LARS2: variants seen among roughly 807,000 people sequenced by gnomAD.
The protein encoded by LARS2 is leucyl-tRNA synthetase 2, mitochondrial, also known as leucine--tRNA ligase, mitochondrial.
Under a neutral mutation model 116.6 loss-of-function variants are expected in LARS2, and 81 were observed. That is an observed-to-expected ratio of 0.69 (90% confidence interval 0.58 to 0.84). The LOEUF (loss-of-function observed/expected upper bound fraction) is 0.84, where lower values mean the gene tolerates loss of function less well. Among genes scored for constraint, LARS2 ranks in the 40% least tolerant of loss-of-function variants. The probability of loss-of-function intolerance (pLI) is 0.00; values close to 1 mark genes in which losing one functional copy is unlikely to be tolerated. For synonymous variants in LARS2, 396 were observed against 407.2 expected (o/e 0.97, Z 0.33); for missense variants, 968 against 1,114.5 (o/e 0.87, Z 1.87).
chr3:45,430,729 C>T (rs1055879121), intron 6 of LARS2, among the ~76,000 whole-genome samples: 7 of 149,316 alleles, frequency 4.7e-5, no homozygotes, highest in Non-Finnish European at 8.9e-5. Context: ...GGACTACAGG[C>T]GCCCGCCACC....
intron 3 of LARS2, among the ~76,000 whole-genome samples, chr3:45,398,407 A>G (rs898760314): frequency 1.3e-5 from 2 of 152,256 alleles, no homozygotes; most frequent in Admixed American, 1.3e-4. Flanking sequence ...ATATGTACAT[A>G]AAAGAAGGGT....
chr3:45,413,664 G>A (rs1698370779), intron 4 of LARS2, among the ~76,000 whole-genome samples: 1 of 152,216 alleles, frequency 6.6e-6, no homozygotes, highest in South Asian at 2.1e-4. Context: ...GATGGTCTCA[G>A]TTCTTTAGAT....
At chr3:45,513,462 G>A (rs1438539139) in intron 16 of LARS2, among the ~76,000 whole-genome samples, 1 of 152,216 alleles carries the variant, frequency 6.6e-6, no homozygotes, top group Non-Finnish European at 1.5e-5. Flanking sequence ...CAGCCAAAGT[G>A]CCACCTCAGC....
In LARS2 at chr3:45,474,260, G is replaced by A; in HGVS notation, c.768G>A (p.Leu256=). ...TTGCACAGGCCATGCAGGACGCGTT[G>A]GCAGACCTTCCAGAATGGTATGGAA... ...TAYAKAMQDA[L]ADLPEWYGIK... is the part of the protein sequence containing the mutation. Residue 256 remains leucine, a synonymous_variant, in exon 9 of 22, where the codon TTG becomes TTA. Coordinates refer to ENST00000645846, the MANE Select transcript of LARS2 (RefSeq NM_015340.4). 6.2e-7 allele frequency: 1 copy of A among 1,610,132 alleles called. No homozygotes were observed. The highest frequency in any genetic ancestry group is 1.7e-4 in the Middle Eastern group (1 of 6,036).
At chr3:45,511,652 G>A (rs1011369959) in intron 15 of LARS2, among the ~76,000 whole-genome samples, 4 of 151,930 alleles carry the variant, frequency 2.6e-5, no homozygotes, top group African/African-American at 9.7e-5. Flanking sequence ...TCAGTTTTTC[G>A]CAGGTTGCAA....
rs769283726 is a variant in LARS2 at position 45,524,006 on chromosome 3, CAG to C, written c.2305_2306del (p.Ser769ArgfsTer9). ...GLSNALSQAS[Q>X]SVILHSPEFE... Reference sequence around the variant, plus strand: ...TTTTCCTCTTCCTTAGCAAGCCTCTCAGAGCGTCATTCTCCACAGCCCCGAGT... The same window carrying C: ...TTTTCCTCTTCCTTAGCAAGCCTCTCAGCGTCATTCTCCACAGCCCCGAGT... On this transcript the variant is annotated frameshift_variant, in exon 20 of 22. Transcript: ENST00000645846. LOFTEE classifies it high-confidence loss of function. The C allele has an allele frequency of 6.2e-7, 1 of 1,613,520 alleles. No individual in the cohort carries two copies. The highest frequency in any genetic ancestry group is 1.3e-5 in the African/African-American group (1 of 74,878).
chr3:45,515,290 T>A (rs569761241), intron 16 of LARS2, among the ~76,000 whole-genome samples: 1 of 152,348 alleles, frequency 6.6e-6, no homozygotes, highest in African/African-American at 2.4e-5. Flanking sequence ...CTCCCCAATT[T>A]CAATTTACCA....
chr3:45,444,782 G>A (rs757192064), intron 6 of LARS2, among the ~76,000 whole-genome samples: 1 of 148,510 alleles, frequency 6.7e-6, no homozygotes, highest in Non-Finnish European at 1.5e-5. Context: ...TTTTATATAT[G>A]TGTGTATATA....
chr3:45,415,158 T>C (rs1698393457), intron 4 of LARS2, among the ~76,000 whole-genome samples: 1 of 152,224 alleles, frequency 6.6e-6, no homozygotes, highest in African/African-American at 2.4e-5. Context: ...AGGTAATTGC[T>C]TCTAGACTCC....
chr3:45,448,873 T>G (rs1699065642), intron 7 of LARS2, among the ~76,000 whole-genome samples: 1 of 152,268 alleles, frequency 6.6e-6, no homozygotes, highest in South Asian at 2.1e-4. Context: ...ATCATGAACA[T>G]GTCACAGTGT....
intron 6 of LARS2, among the ~76,000 whole-genome samples, chr3:45,424,278 A>G (rs572792428): frequency 3.3e-5 from 5 of 152,368 alleles, no homozygotes; most frequent in South Asian, 2.1e-4. Context: ...CCTAATGAAC[A>G]TAATACTTTA....
At chr3:45,422,657 A>G (rs1363131858) in intron 6 of LARS2, among the ~76,000 whole-genome samples, 1 of 152,170 alleles carries the variant, frequency 6.6e-6, no homozygotes, top group Non-Finnish European at 1.5e-5. Context: ...GTTTGTGTTC[A>G]TTTGATCCAT....
At chr3:45,426,721 G>A (rs1297007033) in intron 6 of LARS2, among the ~76,000 whole-genome samples, 4 of 152,110 alleles carry the variant, frequency 2.6e-5, no homozygotes, top group Admixed American at 6.5e-5. Context: ...GTTTTTCATC[G>A]CTTCAGCCAG....
intron 6 of LARS2, among the ~76,000 whole-genome samples, chr3:45,443,776 G>A: frequency 6.6e-6 from 1 of 152,154 alleles, no homozygotes; most frequent in East Asian, 1.9e-4. Context: ...TTTAGCAGTT[G>A]AGGTTGCTTT....
chr3:45,482,167 C>T (rs752931190), intron 10 of LARS2, among the ~76,000 whole-genome samples: 73 of 152,320 alleles, frequency 4.8e-4, no homozygotes, highest in Admixed American at 9.8e-4. Flanking sequence ...GAAAACATTT[C>T]TGTGTTTTCA....
Position 45,451,006 on chromosome 3 carries a change from A to G in LARS2, c.606+4026A>G, listed in dbSNP as rs558623986. Among the ~76,000 whole-genome samples, 4 of 152,044 alleles carry G rather than the reference A, an allele frequency of 2.6e-5. No homozygotes were observed. In the South Asian group the frequency reaches 8.3e-4, roughly 32 times the overall value. Reference sequence around the variant, plus strand: ...ATGTCTTCTTTTGAGAAATGTCTATATAGGTGTTTTGCCTGTTTTCTAATT... The same window carrying G: ...ATGTCTTCTTTTGAGAAATGTCTATGTAGGTGTTTTGCCTGTTTTCTAATT... On this transcript the variant is annotated intron_variant, in intron 7 of 21. Coordinates refer to ENST00000645846, the MANE Select transcript of LARS2 (RefSeq NM_015340.4).
chr3:45,460,862 C>A (rs545612054), intron 8 of LARS2, among the ~76,000 whole-genome samples: 1 of 152,126 alleles, frequency 6.6e-6, no homozygotes, highest in Non-Finnish European at 1.5e-5. Flanking sequence ...AAAATAGACT[C>A]ATTTTAATAA....
At chr3:45,536,614 G>A (rs540748067) in intron 20 of LARS2, among the ~76,000 whole-genome samples, 30 of 152,330 alleles carry the variant, frequency 2.0e-4, no homozygotes, top group Admixed American at 1.4e-3. Context: ...GCCCAGCTTC[G>A]GGAGAAAAGT....
At chr3:45,511,007 G>T (rs1250797750) in intron 15 of LARS2, among the ~76,000 whole-genome samples, 1 of 152,164 alleles carries the variant, frequency 6.6e-6, no homozygotes, top group Non-Finnish European at 1.5e-5. Flanking sequence ...TATATGGTAC[G>T]AAGAAGAATT....
Sources: gnomAD v4.1 joint callset for allele counts (sites outside exome capture counted in the v4.1 genomes callset) on GRCh38, gnomAD v4.1.1 for gene constraint, MANE v1.5 for transcripts, NCBI Gene and HGNC (gene_info 2026-07-23, HGNC 2026-07-21) for gene names.